The following MAPK8IP3 variants were observed in gnomAD, a reference collection of about 807,000 sequenced individuals.
The protein encoded by MAPK8IP3 is mitogen-activated protein kinase 8 interacting protein 3.
MAPK8IP3 carries 49 observed loss-of-function variants against 157.8 expected under a neutral mutation model. The ratio of observed to expected loss-of-function variants is 0.31; its 90% CI spans 0.25 to 0.39. MAPK8IP3 has a LOEUF of 0.39. Ranked by LOEUF, MAPK8IP3 falls within the 10% of genes least tolerant of loss-of-function variation. MAPK8IP3 has a pLI of 1.00. For missense variants in MAPK8IP3, 1,478 were observed against 1,889.4 expected (o/e 0.78, Z 4.04); for synonymous variants, 897 against 777.7 (o/e 1.15, Z -2.55).
At position 1,743,577 on chromosome 16, in the gene MAPK8IP3, T is replaced by A. The variant is rs1268509944; in HGVS notation, c.747+101T>A. The A allele has an allele frequency of 1.3e-6, 2 of 1,496,972 alleles. No individual in the cohort carries two copies. Among genetic ancestry groups the A allele is most frequent in the African/African-American group, 2.9e-5 (2 of 69,492 alleles). 92.7% of individuals were successfully genotyped at this position (1,496,972 alleles called of 1,614,324 possible). ...GTCTGCAGGCAGCCCTTCACGGCTC[T>A]CTGGGCCACTCGCCCTCTCCCTTCG... is the stretch of plus-strand genomic sequence containing the variant. On this transcript the variant is annotated intron_variant, in intron 5 of 31. Transcript: ENST00000610761. The surrounding 1 kb of genome is among the most constrained non-coding windows in gnomAD (Gnocchi z 5.6).
At chr16:1,766,845 G>A (rs188816081) in intron 24 of MAPK8IP3, 42 bp downstream of exon 24, 32 of 1,611,982 alleles carry the variant, frequency 2.0e-5, no homozygotes, top group East Asian at 6.7e-5. Flanking sequence ...GCGGGGGAAC[G>A]GGGCGGAGGG....
intron 4 of MAPK8IP3, among the ~76,000 whole-genome samples, chr16:1,738,057 AGT>A (rs1240445834): frequency 2.1e-4 from 9 of 42,468 alleles, no homozygotes; most frequent in African/African-American, 3.1e-4. Flanking sequence ...CGTCCGTGTG[AGT>A]GTGTGACCAT....
chr16:1,738,223 TGA>T lies in MAPK8IP3; in HGVS notation c.603-5105_603-5104del, dbSNP rs372393977. Among the ~76,000 whole-genome samples, 362 of 88,402 alleles carry T rather than the reference TGA, an allele frequency of 4.1e-3. 9 individuals carry two copies. The highest frequency in any genetic ancestry group is 9.2e-3 in the African/African-American group (183 of 19,866). The allele number at this position is 88,402 out of a possible 152,430, so 58.0% of individuals were successfully genotyped here. ...CCGTCCGTGTGTGTGACCATCCGTG[TGA>T]GAGTGTGACCATCCATTTGAGCATC... On this transcript the variant is annotated intron_variant, in intron 4 of 31. Transcript: ENST00000610761.
intron 4 of MAPK8IP3, among the ~76,000 whole-genome samples, chr16:1,732,855 C>T (rs979703811): frequency 2.0e-5 from 3 of 148,842 alleles, no homozygotes; most frequent in African/African-American, 7.5e-5. Flanking sequence ...CAAGAATGGG[C>T]AGCGCCAGCC....
chr16:1,719,575 C>T lies in MAPK8IP3; in HGVS notation c.319-4982C>T, dbSNP rs186578756. 1.7e-3 allele frequency among the ~76,000 whole-genome samples: 258 copies of T among 149,436 alleles called. 1 individual carries two copies. Among genetic ancestry groups the T allele is most frequent in the Non-Finnish European group, 3.3e-3 (221 of 67,820 alleles). On this transcript the variant is annotated intron_variant, in intron 1 of 31. Transcript: ENST00000610761. ...TGTAGCCAGGCACAGTGGCTCATGC[C>T]TGTAATCCCAATACTCTGGGAGGCT...
chr16:1,737,547 AGT>A (rs1485129520), intron 4 of MAPK8IP3, among the ~76,000 whole-genome samples: 1 of 78,492 alleles, frequency 1.3e-5, no homozygotes, highest in African/African-American at 5.3e-5. Flanking sequence ...TTCGTGTGAG[AGT>A]GTGACCATCC....
intron 1 of MAPK8IP3, among the ~76,000 whole-genome samples, chr16:1,719,311 C>A (rs2038362257): frequency 6.6e-6 from 1 of 152,022 alleles, no homozygotes; most frequent in Non-Finnish European, 1.5e-5. Context: ...ATGGCCCCTT[C>A]CTAAGGGACA....
In MAPK8IP3 at chr16:1,741,024, G is replaced by A. The variant is rs2040642841; in HGVS notation, c.603-2308G>A. On this transcript the variant is annotated intron_variant, in intron 4 of 31. Transcript: ENST00000610761. The surrounding 1 kb of genome is among the most constrained non-coding windows in gnomAD (Gnocchi z 6.9). The stretch of plus-strand genomic sequence containing the variant: ...CACGGCGCCGACTCCTGCTAAGGAG[G>A]GGTGTGCATCAGGTGGGGCTGGTGC... Among the ~76,000 whole-genome samples, 1 of 152,168 alleles carries A rather than the reference G, an allele frequency of 6.6e-6. No individual in the cohort carries two copies. The highest frequency in any genetic ancestry group is 2.4e-5 in the African/African-American group (1 of 41,430).
At chr16:1,749,481 C>T (rs2041168100) in intron 8 of MAPK8IP3, among the ~76,000 whole-genome samples, 1 of 151,650 alleles carries the variant, frequency 6.6e-6, no homozygotes, top group Non-Finnish European at 1.5e-5. Context: ...GCCCTGGCTT[C>T]ACCTCAGCGC....
At chr16:1,709,207 A>T (rs1183901231) in intron 1 of MAPK8IP3, among the ~76,000 whole-genome samples, 1 of 152,178 alleles carries the variant, frequency 6.6e-6, no homozygotes, top group African/African-American at 2.4e-5. Context: ...GGTCATTACC[A>T]CAGTGACTCC....
rs748034526 is a variant in MAPK8IP3 at position 1,764,229 on chromosome 16, C to G, written c.2121+19C>G. On this transcript the variant is annotated intron_variant, in intron 18 of 31. Transcript: ENST00000610761. ...CATGAAGGTGAGCCCGCGAGGACCC[C>G]GCTCAGGCTGGCTGGGCGAGCGGGA... 5.1e-5 allele frequency: 82 copies of G among 1,606,732 alleles called. No homozygotes were observed. Among genetic ancestry groups the G allele is most frequent in the Admixed American group, 1.7e-4 (10 of 59,666 alleles).
Position 1,764,154 on chromosome 16 carries a change from A to G in MAPK8IP3, c.2065A>G (p.Asn689Asp). The G allele has an allele frequency of 6.2e-7, 1 of 1,611,724 alleles. No homozygotes were observed. The highest frequency in any genetic ancestry group is 8.5e-7 in the Non-Finnish European group (1 of 1,179,554). Residue 689 changes from asparagine to aspartate, a missense_variant, in exon 18 of 32, where the codon AAC becomes GAC. Physicochemically the swap from Asn to Asp is conservative, Grantham distance 23 (BLOSUM62 1). Transcript: ENST00000610761. ...NGGQEDTRMK[N>D]VPVPVYCRPL... ...GGGCCAGGAGGACACGCGGATGAAG[A>G]ACGTGCCGGTGCCGGTGTACTGCCG...
chr16:1,738,120 G>GAGCGTCCGTGTT, intron 4 of MAPK8IP3, among the ~76,000 whole-genome samples: 1 of 100,196 alleles, frequency 1.0e-5, no homozygotes, highest in African/African-American at 4.5e-5. Context: ...CCGTCCGTGT[G>GAGCGTCCGTGTT]AGCGTGACTG....
Position 1,766,799 on chromosome 16 carries a change from C to T in MAPK8IP3, c.3016C>T (p.Leu1006=). The change falls in exon 24 of 32, where the codon CTG becomes TTG. Residue 1006 remains leucine, a synonymous_variant. Transcript: ENST00000610761. ...CAAGCTGAAGGATTCTGTGCTGAGCCTGGTGTGGGTGACCCCAGACCGAGG... is the reference window on the plus strand; with the variant it reads ...CAAGCTGAAGGATTCTGTGCTGAGCTTGGTGTGGGTGACCCCAGACCGAGG... ...SIKLKDSVLS[L]VHVKGRVLVA... 6.2e-7 allele frequency: 1 copy of T among 1,612,716 alleles called. No individual in the cohort carries two copies. The highest frequency in any genetic ancestry group is 8.5e-7 in the Non-Finnish European group (1 of 1,179,934).
intron 16 of MAPK8IP3, 123 bp from the exon 17 acceptor site, chr16:1,763,534 C>T (rs1280554550): frequency 2.3e-6 from 3 of 1,312,982 alleles, no homozygotes; most frequent in Admixed American, 3.6e-5. Context: ...ACCCGGTGGC[C>T]GGGAAAAGGC....
At chr16:1,760,616 T>C (rs144250452) in intron 12 of MAPK8IP3, 84 bp downstream of exon 12, 25 of 1,508,800 alleles carry the variant, frequency 1.7e-5, no homozygotes, top group Non-Finnish European at 2.1e-5. Context: ...GTGCCTGCTC[T>C]CCAGCCTGAG....
chr16:1,734,042 G>A (rs1429315693), intron 4 of MAPK8IP3, among the ~76,000 whole-genome samples: 1 of 152,250 alleles, frequency 6.6e-6, no homozygotes, highest in East Asian at 1.9e-4. Context: ...CACCTCTGTG[G>A]GAGAGGGAGG....
Position 1,762,860 on chromosome 16 carries a change from C to G in MAPK8IP3, c.1752C>G (p.Ser584=), listed in dbSNP as rs772629989. Residue 584 remains serine, a synonymous_variant, in exon 16 of 32, where the codon TCC becomes TCG. Coordinates refer to ENST00000610761, the MANE Select transcript of MAPK8IP3 (RefSeq NM_001318852.2). ...WQFFSRLFSS[S]SSPPPAKRPY... ...GCTTCAGCCGCCTCTTCAGCTCTTC[C>G]TCCAGCCCCCCTCCGGCCAAGCGCC... is the stretch of plus-strand genomic sequence containing the variant. The G allele has an allele frequency of 6.2e-7, 1 of 1,613,092 alleles. No homozygotes were observed.
intron 4 of MAPK8IP3, among the ~76,000 whole-genome samples, chr16:1,730,066 AAAAAAAAT>A (rs1455241486): frequency 1.3e-5 from 2 of 149,254 alleles, no homozygotes; most frequent in African/African-American, 5.1e-5. Flanking sequence ...AAAAAAAAAA[AAAAAAAAT>A]TGTTTAAAAA....
Sources: allele counts gnomAD v4.1 joint callset (sites outside exome capture counted in the v4.1 genomes callset), GRCh38; gene constraint gnomAD v4.1.1; non-coding constraint Gnocchi (gnomAD v3.1); transcripts MANE v1.5; gene names NCBI Gene and HGNC (gene_info 2026-07-23, HGNC 2026-07-21).